Variants in PTPN3 observed in about 807,000 individuals in gnomAD.
PTPN3 encodes tyrosine-protein phosphatase non-receptor type 3.
In PTPN3, 96 loss-of-function variants were observed where a neutral mutation model predicts 132.7. That is an observed-to-expected ratio of 0.72 (90% CI 0.61 to 0.86). The LOEUF is 0.86. PTPN3 is among the 40% of genes least tolerant of loss of function. PTPN3 has a pLI of 0.00. For missense variants in PTPN3, 1,125 were observed against 1,159.6 expected, an observed-to-expected ratio of 0.97 and a Z score of 0.43; for synonymous variants, 398 against 429.0, an observed-to-expected ratio of 0.93 and a Z score of 0.89.
At position 109,479,622 on chromosome 9, in the gene PTPN3, G is replaced by A. The variant is rs1413950660; in HGVS notation, c.-17-16171C>T. 2.0e-5 allele frequency among the ~76,000 whole-genome samples: 3 copies of A among 152,206 alleles called. No homozygotes were observed. The East Asian group carries it at 5.8e-4, about 29-fold the overall frequency. ...GACACAGTCTTCCTCTGTTGCCCAG[G>A]CTGGAGTGCAAAGGCACCATCTCAG... On this transcript the variant is annotated intron_variant, in intron 1 of 25. Transcript: ENST00000374541.
At position 109,382,466 on chromosome 9, in the gene PTPN3, C is replaced by T; in HGVS notation, c.2383-19G>A. 1 of 1,613,240 alleles carries T rather than the reference C, an allele frequency of 6.2e-7. No homozygotes were observed. The highest frequency in any genetic ancestry group is 8.5e-7 in the Non-Finnish European group (1 of 1,179,720). On this transcript the variant is annotated intron_variant, in intron 23 of 25. Transcript: ENST00000374541. ...CCCCGGTCTGTGGGAGATGCAGTGG[C>T]CTTGGTGAGCCCATCCAGGTGGTGA... is the stretch of plus-strand genomic sequence containing the variant.
At chr9:109,418,494 G>T (rs1842680307) in intron 14 of PTPN3, among the ~76,000 whole-genome samples, 1 of 152,232 alleles carries the variant, frequency 6.6e-6, no homozygotes, top group Non-Finnish European at 1.5e-5. Flanking sequence ...TGCAAGCAAG[G>T]TGATGATTCC....
chr9:109,431,256 C>G (rs149821387), intron 10 of PTPN3, among the ~76,000 whole-genome samples: 21 of 152,350 alleles, frequency 1.4e-4, no homozygotes, highest in Middle Eastern at 3.4e-3. Flanking sequence ...AAGTCTCCCA[C>G]TTCTCTCTCC....
At chr9:109,382,878 C>T (rs1839233293) in intron 23 of PTPN3, among the ~76,000 whole-genome samples, 1 of 152,038 alleles carries the variant, frequency 6.6e-6, no homozygotes, top group East Asian at 1.9e-4. Context: ...TCAGCACTAC[C>T]TATTTCCAGA....
the PTPN3 span, among the ~76,000 whole-genome samples, chr9:109,510,506 C>T: frequency 1.2e-4 from 18 of 144,778 alleles, no homozygotes; most frequent in African/African-American, 3.4e-4. Context: ...TGCATTGAGC[C>T]GAGATTGCGC....
At chr9:109,389,192 G>T (rs759178566) in intron 22 of PTPN3, 41 bp downstream of exon 22, 17 of 1,608,514 alleles carry the variant, frequency 1.1e-5, no homozygotes, top group Middle Eastern at 1.7e-4. Flanking sequence ...AGAGTAGGGT[G>T]TGACACTGCA....
chr9:109,445,281 G>C lies in PTPN3; in HGVS notation c.425C>G (p.Pro142Arg). ...MDICEGRLTC[P>R]LNSAVVLASY... ...CGCTAGAACCACTGCTGAGTTAAGA[G>C]GGCAGGTTAACCTGTCAGGAGAAAA... Residue 142 changes from proline to arginine, a missense_variant, in exon 7 of 26, where the codon CCT (proline) becomes CGT (arginine). Pro to Arg is a moderately radical substitution (Grantham distance 103). Transcript: ENST00000374541. 6.2e-7 allele frequency: 1 copy of C among 1,613,662 alleles called. No individual in the cohort carries two copies. Among genetic ancestry groups the C allele is most frequent in the Non-Finnish European group, 8.5e-7 (1 of 1,179,566 alleles).
chr9:109,450,569 A>C, intron 5 of PTPN3: 1 of 985,202 alleles, frequency 1.0e-6, no homozygotes, highest in Non-Finnish European at 1.2e-6. Context: ...ATACACAAAG[A>C]AACTAGAATA....
At chr9:109,503,110 T>C (rs1403467725), upstream of PTPN3, among the ~76,000 whole-genome samples, 1 of 151,830 alleles carries the variant, frequency 6.6e-6, no homozygotes, top group Non-Finnish European at 1.5e-5. Context: ...CTAAAGAAAA[T>C]GATGTAAAGA....
chr9:109,401,283 C>A (rs543149209), intron 19 of PTPN3, among the ~76,000 whole-genome samples: 81 of 152,328 alleles, frequency 5.3e-4, no homozygotes, highest in African/African-American at 1.9e-3. Context: ...TCTGGAACAG[C>A]GTGTGCATCA....
At chr9:109,400,452 C>T (rs1840995678) in intron 19 of PTPN3, among the ~76,000 whole-genome samples, 1 of 152,226 alleles carries the variant, frequency 6.6e-6, no homozygotes, top group South Asian at 2.1e-4. Context: ...TAAGGCCACA[C>T]AGGAAGTGAG....
At chr9:109,483,601 T>C (rs568956917) in intron 1 of PTPN3, among the ~76,000 whole-genome samples, 1 of 152,200 alleles carries the variant, frequency 6.6e-6, no homozygotes, top group African/African-American at 2.4e-5. Flanking sequence ...AAGGAGGATA[T>C]AACTGTGAAG....
At chr9:109,465,242 G>A (rs1367038517) in intron 1 of PTPN3, among the ~76,000 whole-genome samples, 1 of 152,196 alleles carries the variant, frequency 6.6e-6, no homozygotes, top group Non-Finnish European at 1.5e-5. Flanking sequence ...CTGAGGACAT[G>A]ACTATATCAC....
intron 1 of PTPN3, among the ~76,000 whole-genome samples, chr9:109,468,067 TAAAC>T (rs1564469701): frequency 6.6e-6 from 1 of 152,188 alleles, no homozygotes; most frequent in African/African-American, 2.4e-5. Flanking sequence ...AATTACATCT[TAAAC>T]AATCTGGTCG....
chr9:109,455,891 G>A lies in PTPN3; in HGVS notation c.289+1282C>T, dbSNP rs577362617. On this transcript the variant is annotated intron_variant, in intron 4 of 25. Transcript: ENST00000374541. ...TTGCCACAGTCTGAGCTCAGGATAC[G>A]TTCACCGAAAGCAGGAGTTAATGAG... 1.1e-4 allele frequency among the ~76,000 whole-genome samples: 16 copies of A among 152,320 alleles called. No homozygotes were observed. In the East Asian group the frequency reaches 2.7e-3, roughly 26 times the overall value.
intron 12 of PTPN3, among the ~76,000 whole-genome samples, chr9:109,425,180 G>A (rs1843153558): frequency 6.6e-6 from 1 of 152,174 alleles, no homozygotes; most frequent in Middle Eastern, 3.2e-3. Flanking sequence ...TGGTTCATCA[G>A]AAGCTGAGAG....
At chr9:109,529,510 A>G in the PTPN3 span, among the ~76,000 whole-genome samples, 1 of 152,222 alleles carries the variant, frequency 6.6e-6, no homozygotes, top group African/African-American at 2.4e-5. Context: ...TATTTCCAGC[A>G]AAGGCTCCTT....
At chr9:109,386,105 G>C (rs542420394) in intron 22 of PTPN3, among the ~76,000 whole-genome samples, 2 of 152,300 alleles carry the variant, frequency 1.3e-5, no homozygotes, top group East Asian at 1.9e-4. Context: ...TGCTCACTTG[G>C]AGTGACCGAC....
intron 1 of PTPN3, among the ~76,000 whole-genome samples, chr9:109,476,974 G>C (rs1029861607): frequency 1.3e-5 from 2 of 152,124 alleles, no homozygotes; most frequent in African/African-American, 4.8e-5. Flanking sequence ...GATTGATTTT[G>C]ACTGGGCCTG....
Sources: allele counts gnomAD v4.1 joint callset (sites outside exome capture counted in the v4.1 genomes callset), GRCh38; gene constraint gnomAD v4.1.1; transcripts MANE v1.5; gene names NCBI Gene and HGNC (gene_info 2026-07-23, HGNC 2026-07-21).